The following HPSE2 variants were observed in gnomAD, a reference collection of about 807,000 sequenced individuals.
HPSE2 encodes inactive heparanase-2.
In HPSE2, 38 loss-of-function variants were observed where a neutral mutation model predicts 60.5. That is an observed-to-expected ratio of 0.63 (90% confidence interval 0.48 to 0.82). The LOEUF is 0.82. Ranked by LOEUF, HPSE2 falls within the 40% of genes least tolerant of loss-of-function variation. HPSE2 has a pLI of 0.00. For missense variants in HPSE2, 713 were observed against 740.4 expected, an observed-to-expected ratio of 0.96 and a Z score of 0.43; for synonymous variants, 295 against 293.2, an observed-to-expected ratio of 1.01 and a Z score of -0.06.
At chr10:98,999,399 C>T (rs1166046031) in intron 3 of HPSE2, among the ~76,000 whole-genome samples, 1 of 152,090 alleles carries the variant, frequency 6.6e-6, no homozygotes, top group Non-Finnish European at 1.5e-5. Context: ...TTCCCAACAT[C>T]CTTGTGAAAG....
intron 9 of HPSE2, among the ~76,000 whole-genome samples, chr10:98,610,200 C>T (rs1366873721): frequency 2.0e-5 from 3 of 152,084 alleles, no homozygotes; most frequent in Non-Finnish European, 4.4e-5. Flanking sequence ...AACTGGGTGT[C>T]CTTGCTCTAC....
chr10:98,521,443 C>T (rs1348355441), intron 9 of HPSE2, among the ~76,000 whole-genome samples: 1 of 152,208 alleles, frequency 6.6e-6, no homozygotes, highest in African/African-American at 2.4e-5. Context: ...GATACCATCT[C>T]ATGCCAGTTA....
chr10:99,240,428 C>G (rs78577469), upstream of HPSE2, among the ~76,000 whole-genome samples: 2 of 79,332 alleles, frequency 2.5e-5, no homozygotes, highest in Non-Finnish European at 5.0e-5. Flanking sequence ...TTTTTTTTTT[C>G]GAGACAGAGT....
At chr10:98,676,575 G>A (rs1391547686) in intron 6 of HPSE2, among the ~76,000 whole-genome samples, 2 of 152,140 alleles carry the variant, frequency 1.3e-5, no homozygotes, top group African/African-American at 4.8e-5. Context: ...GACCTGCAGT[G>A]AACTAACTGG....
At chr10:98,621,089 A>G (rs974346016) in intron 7 of HPSE2, among the ~76,000 whole-genome samples, 1 of 152,124 alleles carries the variant, frequency 6.6e-6, no homozygotes. Context: ...TAGCACATCT[A>G]TGACACACGT....
chr10:99,084,133 C>A (rs139943283), intron 3 of HPSE2, among the ~76,000 whole-genome samples: 1 of 151,948 alleles, frequency 6.6e-6, no homozygotes, highest in African/African-American at 2.4e-5. Context: ...TTGTCTTGTG[C>A]CCTTTGCAGC....
chr10:98,529,979 G>A (rs928206343), intron 9 of HPSE2, among the ~76,000 whole-genome samples: 5 of 152,196 alleles, frequency 3.3e-5, no homozygotes, highest in Admixed American at 3.3e-4. Flanking sequence ...TAGCTGTAGA[G>A]CACTCTGTGA....
intron 2 of HPSE2, among the ~76,000 whole-genome samples, chr10:99,190,599 A>C (rs1473657208): frequency 2.0e-5 from 3 of 152,166 alleles, no homozygotes; most frequent in African/African-American, 7.2e-5. Context: ...TCAGGCCCAG[A>C]CTTTCTCAAA....
In HPSE2 at chr10:98,482,793, GA is replaced by G. The variant is rs775338665; in HGVS notation, c.1467-12del. 2 of 1,614,032 alleles carry G rather than the reference GA, an allele frequency of 1.2e-6. No individual in the cohort carries two copies. Among genetic ancestry groups the G allele is most frequent in the East Asian group, 4.5e-5 (2 of 44,882 alleles). ...CGAACGTAGTTGTGGCTGAGATCCA[GA>G]GAAAGAGAGAAGTGAAAGATGGAAA... On this transcript the variant is annotated splice_polypyrimidine_tract_variant and intron_variant, in intron 10 of 11. Coordinates refer to ENST00000370552, the MANE Select transcript of HPSE2 (RefSeq NM_021828.5).
intron 3 of HPSE2, among the ~76,000 whole-genome samples, chr10:99,038,044 G>T (rs1957650707): frequency 6.6e-6 from 1 of 152,118 alleles, no homozygotes. Context: ...AATATTAAAT[G>T]CTAGCAAGAA....
chr10:98,605,601 C>T (rs1565007814), intron 9 of HPSE2, among the ~76,000 whole-genome samples: 1 of 138,374 alleles, frequency 7.2e-6, no homozygotes, highest in Admixed American at 7.1e-5. Context: ...AAACTCTAGG[C>T]ACCAAGTTCA....
At chr10:98,478,424 T>C (rs1302306911) in intron 11 of HPSE2, among the ~76,000 whole-genome samples, 1 of 151,708 alleles carries the variant, frequency 6.6e-6, no homozygotes, top group Non-Finnish European at 1.5e-5. Flanking sequence ...CAGAAGAGAA[T>C]AGAATTTCAG....
chr10:98,915,742 A>G (rs151124201), intron 3 of HPSE2, among the ~76,000 whole-genome samples: 22 of 152,330 alleles, frequency 1.4e-4, no homozygotes, highest in African/African-American at 5.1e-4. Context: ...GAGAAGAAAA[A>G]TAAAGAGAGC....
At chr10:98,871,374 A>G (rs993299199) in intron 3 of HPSE2, among the ~76,000 whole-genome samples, 2 of 152,044 alleles carry the variant, frequency 1.3e-5, no homozygotes, top group East Asian at 1.9e-4. Context: ...GCAAGACAGA[A>G]CCAGATGCTT....
intron 3 of HPSE2, among the ~76,000 whole-genome samples, chr10:99,132,121 AAAG>A (rs1845408630): frequency 7.0e-6 from 1 of 143,160 alleles, no homozygotes; most frequent in Non-Finnish European, 1.5e-5. Flanking sequence ...TTAAAAAAGA[AAAG>A]AAAGAAAGGA....
the HPSE2 span, among the ~76,000 whole-genome samples, chr10:99,292,095 G>T: frequency 2.6e-5 from 4 of 152,182 alleles, no homozygotes; most frequent in African/African-American, 9.7e-5. Flanking sequence ...ATAAAAGGTT[G>T]TAAGGGCCTA....
chr10:98,776,642 A>C (rs1465518267), intron 3 of HPSE2, among the ~76,000 whole-genome samples: 1 of 152,172 alleles, frequency 6.6e-6, no homozygotes, highest in Non-Finnish European at 1.5e-5. Flanking sequence ...ACAAAATATA[A>C]TTAGGGAAAC....
At chr10:98,764,900 T>G (rs11189809) in intron 3 of HPSE2, among the ~76,000 whole-genome samples, 107,584 of 151,884 alleles carry the variant, frequency 0.71, 39,120 homozygotes, top group South Asian at 0.81. Context: ...AAACTAGAGT[T>G]TCTGTATTTT....
chr10:99,053,044 A>G (rs1958025908), intron 3 of HPSE2, among the ~76,000 whole-genome samples: 1 of 151,760 alleles, frequency 6.6e-6, no homozygotes, highest in South Asian at 2.1e-4. Context: ...TTCTTGAAAA[A>G]AAAACAAACT....
Sources: allele counts gnomAD v4.1 joint callset (sites outside exome capture counted in the v4.1 genomes callset), GRCh38; gene constraint gnomAD v4.1.1; transcripts MANE v1.5; gene names NCBI Gene and HGNC (gene_info 2026-07-23, HGNC 2026-07-21).